The following CDH13 variants were observed in gnomAD, a reference collection of about 807,000 sequenced individuals.
CDH13 encodes the protein cadherin 13, also known as cadherin-13.
A neutral mutation model predicts 63.8 loss-of-function variants in CDH13; 24 were observed. The observed-to-expected ratio is 0.38, with a 90% CI of 0.27 to 0.53. The LOEUF is 0.53. Among genes scored for constraint, CDH13 ranks in the 20% least tolerant of loss-of-function variants. The pLI, the probability that CDH13 is intolerant of heterozygous loss-of-function variation, is 0.85. For synonymous variants in CDH13, 503 were observed against 355.3 expected (o/e 1.42, Z -4.67); for missense variants, 1,049 against 903.1 (o/e 1.16, Z -2.07).
rs115323194 is a variant in CDH13 at position 83,343,064 on chromosome 16, C to T, written c.637-1798C>T. On this transcript the variant is annotated intron_variant, in intron 5 of 13. Transcript: ENST00000567109. Reference sequence around the variant, plus strand: ...TCCTTTGTGTGCAGATATTACGAGGCTCTGTTCACTTCATTTTTTCTTATT... The same window carrying T: ...TCCTTTGTGTGCAGATATTACGAGGTTCTGTTCACTTCATTTTTTCTTATT... Among the ~76,000 whole-genome samples the T allele has an allele frequency of 2.3e-3, 354 of 151,858 alleles. 2 individuals are homozygous for T. The highest frequency in any genetic ancestry group is 8.3e-3 in the African/African-American group (342 of 41,426).
chr16:82,866,377 CTTTTTTTTTTTTTT>C lies in CDH13; in HGVS notation c.157+7920_157+7933del, dbSNP rs538206338. On this transcript the variant is annotated intron_variant, in intron 2 of 13. Transcript: ENST00000567109. ...TCTGTTTTCTTTTCTTTTTCTTCTT[CTTTTTTTTTTTTTT>C]TTTTTTTTTTTTTTTGAGATGGAGT... 9.6e-4 allele frequency among the ~76,000 whole-genome samples: 56 copies of C among 58,332 alleles called. 2 individuals are homozygous for C. The highest frequency in any genetic ancestry group is 4.2e-3 in the African/African-American group (48 of 11,564). The allele number at this position is 58,332 out of a possible 152,430, so 38.3% of individuals were successfully genotyped here. A position where few individuals can be genotyped will look rare whatever the true frequency, so the allele number is the denominator to read the frequency against.
At chr16:82,948,498 A>G (rs1904970934) in intron 2 of CDH13, among the ~76,000 whole-genome samples, 1 of 152,164 alleles carries the variant, frequency 6.6e-6, no homozygotes, top group Non-Finnish European at 1.5e-5. Flanking sequence ...AAGAAGAATT[A>G]TTTTTAGAAC....
intron 11 of CDH13, among the ~76,000 whole-genome samples, chr16:83,752,104 A>C (rs1460955083): frequency 6.6e-6 from 1 of 152,264 alleles, no homozygotes; most frequent in Non-Finnish European, 1.5e-5. Context: ...ATTACTGATC[A>C]GCTAAAGTAA....
chr16:83,368,943 GT>G (rs2091310543), intron 6 of CDH13, among the ~76,000 whole-genome samples: 2 of 47,200 alleles, frequency 4.2e-5, no homozygotes, highest in African/African-American at 8.4e-5. Flanking sequence ...TATATACTAG[GT>G]TTTTTTAATC....
At chr16:83,520,222 T>C (rs1311722841) in intron 7 of CDH13, among the ~76,000 whole-genome samples, 1 of 152,182 alleles carries the variant, frequency 6.6e-6, no homozygotes, top group Admixed American at 6.5e-5. Context: ...ATGAATATGG[T>C]TGACACTCAC....
At chr16:83,015,677 G>GTATGTATGTATATA (rs1555562893) in intron 2 of CDH13, among the ~76,000 whole-genome samples, 1 of 37,562 alleles carries the variant, frequency 2.7e-5, no homozygotes, top group Non-Finnish European at 4.9e-5. Context: ...GTGTGTGTAT[G>GTATGTATGTATATA]TATATATATA....
chr16:83,091,036 A>G (rs906560337), intron 3 of CDH13, among the ~76,000 whole-genome samples: 4 of 152,104 alleles, frequency 2.6e-5, no homozygotes, highest in African/African-American at 7.2e-5. Context: ...AACATTTTCT[A>G]TGTTGCTACA....
intron 6 of CDH13, among the ~76,000 whole-genome samples, chr16:83,452,889 A>G (rs2072922191): frequency 6.6e-6 from 1 of 152,206 alleles, no homozygotes. Context: ...TTGTTCCAGG[A>G]ACACCAGCAT....
chr16:82,722,114 T>C (rs2032812086), intron 1 of CDH13, among the ~76,000 whole-genome samples: 1 of 152,170 alleles, frequency 6.6e-6, no homozygotes, highest in African/African-American at 2.4e-5. Context: ...TTTTTTCAAA[T>C]GTTGTTTCAA....
intron 2 of CDH13, among the ~76,000 whole-genome samples, chr16:82,906,071 GATCT>G (rs2041636401): frequency 6.6e-6 from 1 of 151,920 alleles, no homozygotes; most frequent in Admixed American, 6.6e-5. Context: ...ATCTGTCATC[GATCT>G]ATCTACCTAC....
chr16:83,010,103 C>G (rs1913968860), intron 2 of CDH13, among the ~76,000 whole-genome samples: 2 of 124,668 alleles, frequency 1.6e-5, no homozygotes, highest in East Asian at 2.4e-4. Flanking sequence ...CCATTGCACT[C>G]CAGGCTGGGC....
intron 1 of CDH13, among the ~76,000 whole-genome samples, chr16:82,707,072 T>A (rs976142009): frequency 6.6e-6 from 1 of 152,188 alleles, no homozygotes; most frequent in Non-Finnish European, 1.5e-5. Context: ...CATCCCCTGT[T>A]TGGCGGGAAA....
At chr16:83,259,064 T>C (rs1906644231) in intron 5 of CDH13, among the ~76,000 whole-genome samples, 1 of 152,144 alleles carries the variant, frequency 6.6e-6, no homozygotes, top group East Asian at 1.9e-4. Flanking sequence ...AGGGGGAAAA[T>C]GTGTCCTCCT....
chr16:83,690,395 AG>A (rs1396227232), intron 10 of CDH13, among the ~76,000 whole-genome samples: 1 of 152,138 alleles, frequency 6.6e-6, no homozygotes, highest in Non-Finnish European at 1.5e-5. Context: ...GAGGAAGTGG[AG>A]GTGAGCCACA....
chr16:82,993,342 C>T (rs1019326324), intron 2 of CDH13, among the ~76,000 whole-genome samples: 2 of 151,958 alleles, frequency 1.3e-5, no homozygotes, highest in Non-Finnish European at 2.9e-5. Context: ...CATACAGATG[C>T]TTACGCTTAT....
At chr16:82,775,007 C>T (rs75350568) in intron 1 of CDH13, among the ~76,000 whole-genome samples, 6,661 of 152,308 alleles carry the variant, frequency 0.044, 216 homozygotes, top group Non-Finnish European at 0.069. Context: ...GGGTTGCAGA[C>T]TCTACCTAAT....
chr16:82,695,936 T>G (rs1213864668), intron 1 of CDH13, among the ~76,000 whole-genome samples: 2 of 152,200 alleles, frequency 1.3e-5, no homozygotes, highest in Admixed American at 6.5e-5. Context: ...TCAAATCTAC[T>G]AGCCTGCCAA....
chr16:83,292,492 C>A (rs535870036), intron 5 of CDH13, among the ~76,000 whole-genome samples: 1 of 152,208 alleles, frequency 6.6e-6, no homozygotes, highest in Non-Finnish European at 1.5e-5. Flanking sequence ...AATAAAGCAG[C>A]TTTGGGCCAC....
At chr16:83,008,276 T>A (rs1446721358) in intron 2 of CDH13, among the ~76,000 whole-genome samples, 1 of 152,168 alleles carries the variant, frequency 6.6e-6, no homozygotes, top group East Asian at 1.9e-4. Context: ...ATTGAAATGT[T>A]AGATGGGCTG....
Sources: gnomAD v4.1 joint callset for allele counts (sites outside exome capture counted in the v4.1 genomes callset) on GRCh38, gnomAD v4.1.1 for gene constraint, MANE v1.5 for transcripts, NCBI Gene and HGNC (gene_info 2026-07-23, HGNC 2026-07-21) for gene names.